The following PPARGC1A variants were observed in gnomAD, a reference collection of about 807,000 sequenced individuals.
PPARGC1A encodes the protein PPARG coactivator 1 alpha, also known as peroxisome proliferator-activated receptor gamma coactivator 1-alpha.
A neutral mutation model predicts 88.7 loss-of-function variants in PPARGC1A; 25 were observed. That is an observed-to-expected ratio of 0.28 (90% CI 0.21 to 0.39). The LOEUF (loss-of-function observed/expected upper bound fraction) is 0.39, where lower values mean the gene tolerates loss of function less well. PPARGC1A is among the 10% of genes least tolerant of loss of function. The pLI is 1.00. For missense variants in PPARGC1A, 880 were observed against 968.7 expected (o/e 0.91, Z 1.22); for synonymous variants, 363 against 355.6 (o/e 1.02, Z -0.24).
At chr4:23,974,105 G>A in the PPARGC1A span, among the ~76,000 whole-genome samples, 1 of 152,116 alleles carries the variant, frequency 6.6e-6, no homozygotes, top group African/African-American at 2.4e-5. Flanking sequence ...CCAAGTATTA[G>A]TAGATCGAGA....
chr4:24,405,205 C>T, the PPARGC1A span, among the ~76,000 whole-genome samples: 25 of 152,068 alleles, frequency 1.6e-4, no homozygotes, highest in East Asian at 7.7e-4. Context: ...ACTTTGAAAA[C>T]GGTCAAGCAG....
chr4:23,926,510 C>A, the PPARGC1A span, among the ~76,000 whole-genome samples: 1 of 152,286 alleles, frequency 6.6e-6, no homozygotes, highest in African/African-American at 2.4e-5. Flanking sequence ...ATCATTTCAG[C>A]CCCTCAACAT....
Position 23,814,390 on chromosome 4 carries a change from T to C in PPARGC1A, c.1093A>G (p.Thr365Ala). Reference sequence around the variant, plus strand: ...GTCTTCCTTTCCTCGTGTCCACCAGTGAGGACTGAGGACTTGCTGAGTTGT... The same window carrying C: ...GTCTTCCTTTCCTCGTGTCCACCAGCGAGGACTGAGGACTTGCTGAGTTGT... ...YAQLSKSSVLTGGHEERKTKR... is the reference protein window; with the variant it reads ...YAQLSKSSVLAGGHEERKTKR... Residue 365 changes from threonine (T) to alanine (A), a missense_variant, in exon 8 of 13, where the codon ACT becomes GCT. Coordinates refer to ENST00000264867, the MANE Select transcript of PPARGC1A (RefSeq NM_013261.5). 1 of 1,613,840 alleles carries C rather than the reference T, an allele frequency of 6.2e-7. No homozygotes were observed. Among genetic ancestry groups the C allele is most frequent in the Non-Finnish European group, 8.5e-7 (1 of 1,179,928 alleles).
In PPARGC1A at chr4:23,812,882, T is replaced by G. The variant is rs762675217; in HGVS notation, c.1899-15A>C. On this transcript the variant is annotated splice_polypyrimidine_tract_variant and intron_variant, in intron 9 of 12. Transcript: ENST00000264867. ...AGCTGTCATACCTGGGAAACATAACTTTATCACTAAGTCAACCACCTCAAT... is the reference window on the plus strand; with the variant it reads ...AGCTGTCATACCTGGGAAACATAACGTTATCACTAAGTCAACCACCTCAAT... The G allele has an allele frequency of 6.2e-7, 1 of 1,613,946 alleles. No individual in the cohort carries two copies. The highest frequency in any genetic ancestry group is 8.5e-7 in the Non-Finnish European group (1 of 1,179,980).
the PPARGC1A span, among the ~76,000 whole-genome samples, chr4:23,986,935 C>T: frequency 6.6e-6 from 1 of 152,048 alleles, no homozygotes; most frequent in Non-Finnish European, 1.5e-5. Flanking sequence ...TCAAATTCTC[C>T]TATATAACCT....
At chr4:23,948,422 A>G in the PPARGC1A span, among the ~76,000 whole-genome samples, 4 of 152,174 alleles carry the variant, frequency 2.6e-5, no homozygotes, top group Admixed American at 2.6e-4. Flanking sequence ...TGCTTGACAT[A>G]TATTTCATCC....
chr4:23,806,697 G>A (rs1207333356), intron 10 of PPARGC1A, among the ~76,000 whole-genome samples: 1 of 152,146 alleles, frequency 6.6e-6, no homozygotes, highest in Non-Finnish European at 1.5e-5. Context: ...ACACCAAAAC[G>A]TGGGGGATAA....
the PPARGC1A span, among the ~76,000 whole-genome samples, chr4:24,066,573 G>A: frequency 1.1e-3 from 164 of 152,296 alleles, 3 homozygotes; most frequent in South Asian, 0.019. Flanking sequence ...TGAGAGGACA[G>A]TTTGTATGTG....
chr4:23,926,967 A>G, the PPARGC1A span, among the ~76,000 whole-genome samples: 1 of 152,220 alleles, frequency 6.6e-6, no homozygotes, highest in South Asian at 2.1e-4. Flanking sequence ...CTATCTAACA[A>G]AAACACATTT....
chr4:23,947,125 C>T, the PPARGC1A span, among the ~76,000 whole-genome samples: 1 of 151,808 alleles, frequency 6.6e-6, no homozygotes, highest in East Asian at 2.0e-4. Context: ...TGGGAGCAAT[C>T]ACCTCACTGA....
At chr4:24,462,247 G>C in the PPARGC1A span, among the ~76,000 whole-genome samples, 1 of 115,094 alleles carries the variant, frequency 8.7e-6, no homozygotes, top group Non-Finnish European at 1.8e-5. Flanking sequence ...CACCGCACCC[G>C]GCTAAATTTT....
the PPARGC1A span, among the ~76,000 whole-genome samples, chr4:23,969,578 C>G: frequency 6.6e-6 from 1 of 152,206 alleles, no homozygotes; most frequent in African/African-American, 2.4e-5. Flanking sequence ...ACAGTTTACT[C>G]TATCCTAAGA....
intron 2 of PPARGC1A, chr4:23,877,586 TAAGAAG>T (rs1292922074): frequency 6.9e-6 from 1 of 144,732 alleles, no homozygotes; most frequent in African/African-American, 2.6e-5. Context: ...CCTGAGAGGT[TAAGAAG>T]AAGAAAAAAA....
At chr4:24,243,014 A>G in the PPARGC1A span, among the ~76,000 whole-genome samples, 1 of 152,112 alleles carries the variant, frequency 6.6e-6, no homozygotes, top group Non-Finnish European at 1.5e-5. Context: ...TCCTCATTGC[A>G]ATTATATTTA....
the PPARGC1A span, among the ~76,000 whole-genome samples, chr4:24,198,676 A>C: frequency 2.0e-5 from 3 of 152,168 alleles, no homozygotes; most frequent in Non-Finnish European, 4.4e-5. Flanking sequence ...AGGCCAGGAC[A>C]TGGAAGCAGG....
At chr4:24,212,142 A>G in the PPARGC1A span, among the ~76,000 whole-genome samples, 1 of 152,172 alleles carries the variant, frequency 6.6e-6, no homozygotes, top group Non-Finnish European at 1.5e-5. Flanking sequence ...ATGTAAGTCC[A>G]ACTTCTCACT....
the PPARGC1A span, among the ~76,000 whole-genome samples, chr4:24,311,480 A>C: frequency 1.1e-4 from 16 of 151,560 alleles, no homozygotes; most frequent in African/African-American, 3.6e-4. Context: ...CTAAAAAAAA[A>C]ATACAAAAAA....
chr4:24,299,338 AATATATAT>A, the PPARGC1A span, among the ~76,000 whole-genome samples: 2 of 151,692 alleles, frequency 1.3e-5, no homozygotes, highest in Admixed American at 1.3e-4. Flanking sequence ...GGTTTAATAA[AATATATAT>A]ATATATTAAC....
At chr4:24,068,678 A>G in the PPARGC1A span, among the ~76,000 whole-genome samples, 2 of 152,222 alleles carry the variant, frequency 1.3e-5, no homozygotes, top group Admixed American at 1.3e-4. Flanking sequence ...CCTAAATTGA[A>G]ATAGAAGGAA....
Sources: allele counts gnomAD v4.1 joint callset (sites outside exome capture counted in the v4.1 genomes callset), GRCh38; gene constraint gnomAD v4.1.1; transcripts MANE v1.5; gene names NCBI Gene and HGNC (gene_info 2026-07-23, HGNC 2026-07-21).